LRRTM4: variants seen among roughly 807,000 people sequenced by gnomAD.
LRRTM4 encodes leucine-rich repeat transmembrane neuronal protein 4.
LRRTM4 carries 25 observed loss-of-function variants against 47.6 expected under a neutral mutation model. That is an observed-to-expected ratio of 0.53 (90% CI 0.38 to 0.73). The LOEUF (loss-of-function observed/expected upper bound fraction) is 0.73, where lower values mean the gene tolerates loss of function less well. Among genes scored for constraint, LRRTM4 ranks in the 30% least tolerant of loss-of-function variants. The pLI is 0.00. For missense variants in LRRTM4, 638 were observed against 713.4 expected (o/e 0.89, Z 1.20); for synonymous variants, 311 against 269.5 (o/e 1.15, Z -1.51).
intron 3 of LRRTM4, among the ~76,000 whole-genome samples, chr2:77,491,369 AT>A (rs535786459): frequency 6.6e-6 from 1 of 152,088 alleles, no homozygotes; most frequent in Non-Finnish European, 1.5e-5. Context: ...ACAAAAAAAA[AT>A]CAGATGGAAA....
intron 3 of LRRTM4, among the ~76,000 whole-genome samples, chr2:77,027,600 A>T (rs896572877): frequency 6.6e-6 from 1 of 152,312 alleles, no homozygotes; most frequent in East Asian, 1.9e-4. Flanking sequence ...CTACCAGTGT[A>T]CTATCAGCTC....
chr2:77,495,410 T>G (rs1452724654), intron 3 of LRRTM4, among the ~76,000 whole-genome samples: 2 of 152,088 alleles, frequency 1.3e-5, no homozygotes, highest in Admixed American at 6.6e-5. Flanking sequence ...TAAGTCCAGT[T>G]TATCGCTTTG....
intron 3 of LRRTM4, among the ~76,000 whole-genome samples, chr2:77,241,529 A>C (rs13031572): frequency 0.45 from 68,360 of 151,766 alleles, 17,327 homozygotes; most frequent in Non-Finnish European, 0.56. Flanking sequence ...ATTCACAGCA[A>C]AACAGTTCAT....
At chr2:76,813,099 G>A (rs1670793515) in intron 3 of LRRTM4, among the ~76,000 whole-genome samples, 1 of 151,976 alleles carries the variant, frequency 6.6e-6, no homozygotes, top group Non-Finnish European at 1.5e-5. Context: ...AGGAGGTGGA[G>A]GTTCCAGTGA....
At chr2:77,074,669 T>A (rs992832451) in intron 3 of LRRTM4, among the ~76,000 whole-genome samples, 5 of 152,136 alleles carry the variant, frequency 3.3e-5, no homozygotes, top group African/African-American at 9.7e-5. Context: ...AGTACTGATT[T>A]TGGACAGAGA....
At chr2:77,205,071 C>T (rs141013443) in intron 3 of LRRTM4, among the ~76,000 whole-genome samples, 36 of 152,244 alleles carry the variant, frequency 2.4e-4, no homozygotes, top group African/African-American at 7.5e-4. Context: ...ATTACTTATC[C>T]GTTGGAAGGG....
intron 3 of LRRTM4, among the ~76,000 whole-genome samples, chr2:77,327,538 G>A (rs977711624): frequency 7.9e-5 from 12 of 152,240 alleles, no homozygotes; most frequent in African/African-American, 2.4e-4. Flanking sequence ...TGTAGGTAAG[G>A]AAATAAAAGA....
At chr2:77,302,816 G>A (rs1677166278) in intron 3 of LRRTM4, among the ~76,000 whole-genome samples, 1 of 152,114 alleles carries the variant, frequency 6.6e-6, no homozygotes, top group African/African-American at 2.4e-5. Context: ...TGAGATATTA[G>A]GGAAGGGAAG....
At chr2:77,347,324 T>G (rs1671599493) in intron 3 of LRRTM4, among the ~76,000 whole-genome samples, 1 of 152,182 alleles carries the variant, frequency 6.6e-6, no homozygotes, top group Admixed American at 6.5e-5. Flanking sequence ...TTTGTAAATC[T>G]TTCTTTAATC....
chr2:76,819,205 A>G, intron 3 of LRRTM4, among the ~76,000 whole-genome samples: 1 of 151,670 alleles, frequency 6.6e-6, no homozygotes, highest in South Asian at 2.1e-4. Flanking sequence ...ATTTATTGCC[A>G]TGTTATTATG....
At chr2:76,871,621 C>A (rs1672626723) in intron 3 of LRRTM4, among the ~76,000 whole-genome samples, 1 of 152,142 alleles carries the variant, frequency 6.6e-6, no homozygotes, top group Non-Finnish European at 1.5e-5. Flanking sequence ...TTCTGGGTAA[C>A]CCTCTCCCCA....
At chr2:77,257,101 C>T (rs9973957) in intron 3 of LRRTM4, among the ~76,000 whole-genome samples, 18,691 of 151,912 alleles carry the variant, frequency 0.12, 3,856 homozygotes, top group African/African-American at 0.42. Context: ...TCATTCATGA[C>T]AAAAACTCAG....
rs140910970 is a variant in LRRTM4, at chr2:76,801,888, T to C, written c.1552-52972A>G. Among the ~76,000 whole-genome samples the C allele has an allele frequency of 2.5e-3, 385 of 152,232 alleles. 1 individual carries two copies. The highest frequency in any genetic ancestry group is 8.8e-3 in the African/African-American group (366 of 41,544). ...GACAAACACCATAAGATCATCTCAATAGATGCAGAAATGCATTGGACAAAA... is the reference window on the plus strand; with the variant it reads ...GACAAACACCATAAGATCATCTCAACAGATGCAGAAATGCATTGGACAAAA... On this transcript the variant is annotated intron_variant, in intron 3 of 3. Transcript: ENST00000409884.
chr2:77,284,418 A>C (rs1676595142), intron 3 of LRRTM4, among the ~76,000 whole-genome samples: 1 of 152,068 alleles, frequency 6.6e-6, no homozygotes, highest in East Asian at 1.9e-4. Context: ...TTGCTTTTTG[A>C]TATTTTGTCT....
chr2:76,888,401 T>A (rs923768417), intron 3 of LRRTM4, among the ~76,000 whole-genome samples: 1 of 151,528 alleles, frequency 6.6e-6, no homozygotes, highest in Non-Finnish European at 1.5e-5. Context: ...AACACATACA[T>A]AGACATCTGA....
At chr2:76,910,708 T>C (rs947863269) in intron 3 of LRRTM4, among the ~76,000 whole-genome samples, 5 of 152,214 alleles carry the variant, frequency 3.3e-5, no homozygotes, top group African/African-American at 1.2e-4. Context: ...AGATGCTAGA[T>C]GGTCACTCAT....
chr2:77,004,482 T>C (rs2104036315), intron 3 of LRRTM4, among the ~76,000 whole-genome samples: 1 of 152,282 alleles, frequency 6.6e-6, no homozygotes, highest in East Asian at 1.9e-4. Context: ...TGTGAACCTT[T>C]GCCTAGATTT....
chr2:77,506,256 T>G (rs1360840054), intron 3 of LRRTM4, among the ~76,000 whole-genome samples: 1 of 151,624 alleles, frequency 6.6e-6, no homozygotes, highest in Non-Finnish European at 1.5e-5. Context: ...AAGTTAGTTC[T>G]CTATTTCACA....
At chr2:76,929,941 G>C (rs1175115269) in intron 3 of LRRTM4, among the ~76,000 whole-genome samples, 1 of 151,662 alleles carries the variant, frequency 6.6e-6, no homozygotes, top group Non-Finnish European at 1.5e-5. Context: ...GTGTGTGTGT[G>C]TGTGTGTGTG....
Sources: allele counts gnomAD v4.1 joint callset (sites outside exome capture counted in the v4.1 genomes callset), GRCh38; gene constraint gnomAD v4.1.1; transcripts MANE v1.5; gene names NCBI Gene and HGNC (gene_info 2026-07-23, HGNC 2026-07-21).